FRYL: variants seen among roughly 807,000 people sequenced by gnomAD.
FRYL encodes protein furry homolog-like.
FRYL carries 150 observed loss-of-function variants against 351.2 expected under a neutral mutation model. The ratio of observed to expected loss-of-function variants is 0.43; its 90% CI spans 0.37 to 0.49. FRYL has a LOEUF of 0.49. Among genes scored for constraint, FRYL ranks in the 20% least tolerant of loss-of-function variants. The pLI, the probability that FRYL is intolerant of heterozygous loss-of-function variation, is 0.00. For missense variants in FRYL, 3,036 were observed against 3,619.3 expected, an observed-to-expected ratio of 0.84 and a Z score of 4.13; for synonymous variants, 1,153 against 1,257.1, an observed-to-expected ratio of 0.92 and a Z score of 1.75.
intron 7 of FRYL, among the ~76,000 whole-genome samples, chr4:48,611,073 C>T (rs1028503143): frequency 6.6e-6 from 1 of 151,812 alleles, no homozygotes; most frequent in Non-Finnish European, 1.5e-5. Context: ...TAGTTCTACA[C>T]AGTCATCCTT....
intron 1 of FRYL, among the ~76,000 whole-genome samples, chr4:48,734,049 T>C (rs369644620): frequency 6.6e-6 from 1 of 152,074 alleles, no homozygotes; most frequent in East Asian, 1.9e-4. Flanking sequence ...TTGTAGATAT[T>C]AAACCAACTA....
chr4:48,544,389 A>T (rs1204579869), intron 43 of FRYL, among the ~76,000 whole-genome samples: 4 of 152,206 alleles, frequency 2.6e-5, no homozygotes, highest in Admixed American at 6.5e-5. Flanking sequence ...CCCCTAGTTG[A>T]GAACCACTGC....
intron 2 of FRYL, among the ~76,000 whole-genome samples, chr4:48,702,455 C>CAAAAAAAAAAAAAAAA (rs34675617): frequency 3.4e-5 from 1 of 29,430 alleles, no homozygotes; most frequent in South Asian, 2.1e-3. Context: ...GACTCTGTCT[C>CAAAAAAAAAAAAAAAA]AAAAAAAAAA....
rs775555177 is a variant in FRYL, at chr4:48,540,975, A to G, written c.5688-15T>C. ...GATATGAGGTTCTTAAAAAAAAGAA[A>G]GAATAGATGAATGCATACCCAGTCA... On this transcript the variant is annotated splice_polypyrimidine_tract_variant and intron_variant, in intron 45 of 63. Coordinates refer to ENST00000358350, the MANE Select transcript of FRYL (RefSeq NM_015030.2). The G allele has an allele frequency of 6.5e-7, 1 of 1,528,422 alleles. No individual in the cohort carries two copies. The highest frequency in any genetic ancestry group is 8.8e-7 in the Non-Finnish European group (1 of 1,137,390). 94.7% of individuals were successfully genotyped at this position (1,528,422 alleles called of 1,614,324 possible).
chr4:48,565,777 G>C (rs1353892322), intron 28 of FRYL, 86 bp from the exon 29 acceptor site: 2 of 1,302,672 alleles, frequency 1.5e-6, no homozygotes, highest in East Asian at 2.5e-5. Context: ...ATGTGTAATA[G>C]TGTAAAAAAG....
intron 42 of FRYL, 66 bp downstream of exon 42, chr4:48,546,001 T>C: frequency 1.4e-6 from 2 of 1,421,172 alleles, no homozygotes; most frequent in South Asian, 1.2e-5. Flanking sequence ...TGGCTCATAA[T>C]ACCTGATCAA....
chr4:48,680,576 A>G (rs902782919), intron 3 of FRYL, among the ~76,000 whole-genome samples: 1 of 152,008 alleles, frequency 6.6e-6, no homozygotes, highest in Non-Finnish European at 1.5e-5. Flanking sequence ...TTTTTAAACA[A>G]AATTTAAATG....
chr4:48,761,007 C>CTGTGTGTG (rs57872533), intron 1 of FRYL, among the ~76,000 whole-genome samples: 2,596 of 134,430 alleles, frequency 0.019, 29 homozygotes, highest in Middle Eastern at 0.031. Context: ...ATTACTCTGT[C>CTGTGTGTG]TGTGTGTGTG....
At chr4:48,610,331 AG>A (rs1354889808) in intron 7 of FRYL, among the ~76,000 whole-genome samples, 2 of 152,130 alleles carry the variant, frequency 1.3e-5, no homozygotes, top group African/African-American at 4.8e-5. Context: ...AGTATATGCT[AG>A]TTCCTATTAT....
intron 7 of FRYL, chr4:48,617,869 T>C (rs1262301507): frequency 6.6e-6 from 1 of 152,218 alleles, no homozygotes; most frequent in Non-Finnish European, 1.5e-5. Context: ...GGTTCCTGAA[T>C]GCTAATGTAG....
At chr4:48,546,801 T>G (rs1256069580) in intron 41 of FRYL, 1 of 153,052 alleles carries the variant, frequency 6.5e-6, no homozygotes, top group Non-Finnish European at 1.5e-5. Flanking sequence ...GAATTTTGAA[T>G]AATGGTGCCT....
intron 3 of FRYL, among the ~76,000 whole-genome samples, chr4:48,658,584 C>CAAAAAAAAAAAA (rs11388062): frequency 2.3e-4 from 22 of 95,738 alleles, no homozygotes; most frequent in African/African-American, 7.9e-4. Context: ...CAAAAAAATA[C>CAAAAAAAAAAAA]AAAAAAAAAA....
intron 55 of FRYL, among the ~76,000 whole-genome samples, chr4:48,519,433 C>T (rs1724394796): frequency 6.6e-6 from 1 of 151,640 alleles, no homozygotes; most frequent in Non-Finnish European, 1.5e-5. Context: ...TCACTTTCCT[C>T]TCAGTTTTCA....
At chr4:48,743,383 G>A (rs1337139652) in intron 1 of FRYL, among the ~76,000 whole-genome samples, 4 of 152,036 alleles carry the variant, frequency 2.6e-5, no homozygotes, top group African/African-American at 9.6e-5. Flanking sequence ...AAGCTTTTTT[G>A]TTTAAATATC....
chr4:48,688,451 A>G (rs998893934), intron 2 of FRYL, among the ~76,000 whole-genome samples: 13 of 152,146 alleles, frequency 8.5e-5, no homozygotes, highest in Admixed American at 2.0e-4. Flanking sequence ...CAATTAGTCA[A>G]ATATTGTTTA....
At chr4:48,777,149 A>T (rs1776108463) in intron 1 of FRYL, among the ~76,000 whole-genome samples, 1 of 152,244 alleles carries the variant, frequency 6.6e-6, no homozygotes, top group African/African-American at 2.4e-5. Flanking sequence ...TTTAAATAAA[A>T]GTATACTCAA....
At chr4:48,568,909 C>T (rs1460767528) in intron 27 of FRYL, among the ~76,000 whole-genome samples, 1 of 152,146 alleles carries the variant, frequency 6.6e-6, no homozygotes. Flanking sequence ...ATGAAATCCA[C>T]TAGGTGAACA....
intron 4 of FRYL, 61 bp from the exon 5 acceptor site, chr4:48,623,240 A>C (rs908020920): frequency 1.1e-6 from 1 of 934,100 alleles, no homozygotes; most frequent in Non-Finnish European, 1.6e-6. Flanking sequence ...AAACATTAGA[A>C]ATCTTCTACA....
rs1742334101 is a variant in FRYL, at chr4:48,587,448, T to C, written c.1641-720A>G. On this transcript the variant is annotated intron_variant, in intron 18 of 63. Coordinates refer to ENST00000358350, the MANE Select transcript of FRYL (RefSeq NM_015030.2). Reference sequence around the variant, plus strand: ...GTATTTGAAGGTGAGGCCTTTTAAATTTCTTTCATCTAAATTGTTCTTCAG... The same window carrying C: ...GTATTTGAAGGTGAGGCCTTTTAAACTTCTTTCATCTAAATTGTTCTTCAG... Among the ~76,000 whole-genome samples, 3 of 152,300 alleles carry C rather than the reference T, an allele frequency of 2.0e-5. No homozygotes were observed. The South Asian group carries it at 6.2e-4, about 32-fold the overall frequency.
Sources: allele counts gnomAD v4.1 joint callset (sites outside exome capture counted in the v4.1 genomes callset), GRCh38; gene constraint gnomAD v4.1.1; transcripts MANE v1.5; gene names NCBI Gene and HGNC (gene_info 2026-07-23, HGNC 2026-07-21).